EXOC6B: variants seen among roughly 807,000 people sequenced by gnomAD.
EXOC6B encodes the protein SEC15 homolog B.
A neutral mutation model predicts 113.5 loss-of-function variants in EXOC6B; 54 were observed. The observed-to-expected ratio is 0.48, with a 90% CI of 0.38 to 0.60. The LOEUF is 0.60. Among genes scored for constraint, EXOC6B ranks in the 20% least tolerant of loss-of-function variants. EXOC6B has a pLI of 0.00. For missense variants in EXOC6B, 797 were observed against 977.5 expected (o/e 0.82, Z 2.46); for synonymous variants, 357 against 339.0 (o/e 1.05, Z -0.58).
At chr2:72,424,474 T>G (rs1205083496) in intron 18 of EXOC6B, among the ~76,000 whole-genome samples, 2 of 152,178 alleles carry the variant, frequency 1.3e-5, no homozygotes, top group African/African-American at 4.8e-5. Context: ...TTTGGCTTTC[T>G]TCATTTCCCC....
At chr2:72,680,144 A>G (rs1386332980) in intron 6 of EXOC6B, among the ~76,000 whole-genome samples, 1 of 152,222 alleles carries the variant, frequency 6.6e-6, no homozygotes, top group East Asian at 1.9e-4. Flanking sequence ...GGGAATCCAG[A>G]TAAAGTGTAT....
intron 14 of EXOC6B, 75 bp from the exon 15 acceptor site, chr2:72,495,614 G>A: frequency 1.3e-6 from 1 of 799,910 alleles, no homozygotes; most frequent in Non-Finnish European, 2.0e-6. Flanking sequence ...TATTTAGGTT[G>A]CAAAAAGAAC....
chr2:72,399,021 AAG>A (rs1349634417), intron 18 of EXOC6B, among the ~76,000 whole-genome samples: 3 of 151,670 alleles, frequency 2.0e-5, no homozygotes, highest in Admixed American at 2.0e-4. Flanking sequence ...AAAAAAAAAA[AAG>A]AAAAAAATTA....
intron 11 of EXOC6B, among the ~76,000 whole-genome samples, chr2:72,506,155 T>C (rs1206322185): frequency 6.6e-6 from 1 of 151,938 alleles, no homozygotes; most frequent in Non-Finnish European, 1.5e-5. Flanking sequence ...ATAAAAGGAG[T>C]TGCTACAGAA....
At chr2:72,820,691 TAAG>T (rs1215270385) in intron 1 of EXOC6B, among the ~76,000 whole-genome samples, 1 of 152,018 alleles carries the variant, frequency 6.6e-6, no homozygotes, top group Non-Finnish European at 1.5e-5. Flanking sequence ...TAAATCATGA[TAAG>T]GAGATCAAAA....
At chr2:72,415,834 C>G (rs1350239518) in intron 18 of EXOC6B, among the ~76,000 whole-genome samples, 1 of 152,054 alleles carries the variant, frequency 6.6e-6, no homozygotes, top group African/African-American at 2.4e-5. Flanking sequence ...TACATTATAT[C>G]TTCATTATTA....
intron 1 of EXOC6B, among the ~76,000 whole-genome samples, chr2:72,802,786 T>TA (rs1685365393): frequency 6.6e-6 from 1 of 152,176 alleles, no homozygotes; most frequent in African/African-American, 2.4e-5. Flanking sequence ...AATTTTATCT[T>TA]ACAGCAGTGG....
chr2:72,694,354 A>C (rs189446168), intron 6 of EXOC6B, among the ~76,000 whole-genome samples: 242 of 152,304 alleles, frequency 1.6e-3, no homozygotes, highest in South Asian at 3.7e-3. Context: ...AGGCAGGAGA[A>C]TCGCTTGACC....
intron 16 of EXOC6B, among the ~76,000 whole-genome samples, chr2:72,485,099 T>A (rs1032700606): frequency 6.6e-6 from 1 of 152,174 alleles, no homozygotes; most frequent in African/African-American, 2.4e-5. Context: ...TGTAAAAGCA[T>A]TCCTATTTCT....
chr2:72,592,138 A>C (rs1345634574), intron 6 of EXOC6B, among the ~76,000 whole-genome samples: 1 of 152,174 alleles, frequency 6.6e-6, no homozygotes, highest in Non-Finnish European at 1.5e-5. Context: ...ACAACAAAGT[A>C]TAAAAGCCGA....
chr2:72,279,951 G>A (rs1685034728), intron 20 of EXOC6B, among the ~76,000 whole-genome samples: 1 of 152,024 alleles, frequency 6.6e-6, no homozygotes, highest in African/African-American at 2.4e-5. Context: ...TAAAGGTACT[G>A]AGCCATTTAG....
chr2:72,411,055 A>C (rs1347866348), intron 18 of EXOC6B, among the ~76,000 whole-genome samples: 1 of 152,154 alleles, frequency 6.6e-6, no homozygotes, highest in Non-Finnish European at 1.5e-5. Flanking sequence ...CTAAAAATAC[A>C]AAAATTAGCT....
At chr2:72,671,669 G>C (rs930173899) in intron 6 of EXOC6B, among the ~76,000 whole-genome samples, 1 of 151,222 alleles carries the variant, frequency 6.6e-6, no homozygotes, top group Admixed American at 6.6e-5. Flanking sequence ...TTGCACTCTA[G>C]CTTAGGCAAC....
chr2:72,290,900 T>C (rs529594735), intron 20 of EXOC6B, among the ~76,000 whole-genome samples: 2 of 152,286 alleles, frequency 1.3e-5, no homozygotes, highest in East Asian at 3.9e-4. Flanking sequence ...ATGTATTTAA[T>C]TGAAATGTAT....
At chr2:72,357,317 C>A (rs963909852) in intron 19 of EXOC6B, among the ~76,000 whole-genome samples, 3 of 152,046 alleles carry the variant, frequency 2.0e-5, no homozygotes, top group African/African-American at 7.2e-5. Flanking sequence ...TAGGAAAAAG[C>A]ATAGTATATA....
In EXOC6B at chr2:72,179,006, G is replaced by C. The variant is rs1298371798; in HGVS notation, c.*329C>G. 1.3e-5 allele frequency: 3 copies of C among 225,806 alleles called. No individual in the cohort carries two copies. The East Asian group carries it at 3.0e-4, about 23-fold the overall frequency. The allele number at this position is 225,806 out of a possible 1,614,324, so 14.0% of individuals were successfully genotyped here. Reference sequence around the variant, plus strand: ...CCAGCGCCAGATACCCACTTTTTATGGTTCCTAAGCCCCAGACCTAAGCTT... The same window carrying C: ...CCAGCGCCAGATACCCACTTTTTATCGTTCCTAAGCCCCAGACCTAAGCTT... On this transcript the variant is annotated 3_prime_UTR_variant, in exon 22 of 22. Transcript: ENST00000272427.
At chr2:72,771,223 A>G (rs1683388346) in intron 1 of EXOC6B, among the ~76,000 whole-genome samples, 1 of 152,208 alleles carries the variant, frequency 6.6e-6, no homozygotes, top group African/African-American at 2.4e-5. Context: ...TAAGATATTC[A>G]TTATATTCTT....
intron 18 of EXOC6B, among the ~76,000 whole-genome samples, chr2:72,382,971 G>C (rs894708584): frequency 2.6e-5 from 4 of 151,976 alleles, no homozygotes; most frequent in Admixed American, 6.6e-5. Context: ...CTCCTTCCTT[G>C]TACCATATAC....
At position 72,188,086 on chromosome 2, in the gene EXOC6B, GA is replaced by G. The variant is rs150586122; in HGVS notation, c.2197-3900del. Among the ~76,000 whole-genome samples, 1,183 of 152,106 alleles carry G rather than the reference GA, an allele frequency of 7.8e-3. 19 individuals are homozygous for G. Among genetic ancestry groups the G allele is most frequent in the African/African-American group, 0.026 (1,068 of 41,526 alleles). On this transcript the variant is annotated intron_variant, in intron 20 of 21. Transcript: ENST00000272427. ...GGACCGGGTTCCTGCCTGCTCCATG[GA>G]GCAGGAGGCCCAGGTCTGCAGCTGT...
Sources: gnomAD v4.1 joint callset for allele counts (sites outside exome capture counted in the v4.1 genomes callset) on GRCh38, gnomAD v4.1.1 for gene constraint, MANE v1.5 for transcripts, NCBI Gene and HGNC (gene_info 2026-07-23, HGNC 2026-07-21) for gene names.